The following GRM7 variants were observed in gnomAD, a reference collection of about 807,000 sequenced individuals.
GRM7 encodes metabotropic glutamate receptor 7.
GRM7 carries 35 observed loss-of-function variants against 84.5 expected under a neutral mutation model. That is an observed-to-expected ratio of 0.41 (90% CI 0.32 to 0.55). GRM7 has a LOEUF of 0.55. Among genes scored for constraint, GRM7 ranks in the 20% least tolerant of loss-of-function variants. The pLI is 0.19. For missense variants in GRM7, 1,003 were observed against 1,194.6 expected (o/e 0.84, Z 2.36); for synonymous variants, 487 against 455.1 (o/e 1.07, Z -0.89).
At chr3:7,026,614 G>A (rs187008463) in intron 1 of GRM7, among the ~76,000 whole-genome samples, 383 of 152,212 alleles carry the variant, frequency 2.5e-3, no homozygotes, top group Admixed American at 5.8e-3. Context: ...CACAAGAGAG[G>A]GGAAAAATGC....
At chr3:7,476,276 C>T (rs1172491332) in intron 7 of GRM7, among the ~76,000 whole-genome samples, 4 of 152,118 alleles carry the variant, frequency 2.6e-5, no homozygotes, top group Non-Finnish European at 5.9e-5. Context: ...GGCTGGGCGC[C>T]GTGGCTCACG....
At chr3:7,644,708 T>C (rs1263357834) in intron 8 of GRM7, among the ~76,000 whole-genome samples, 1 of 152,348 alleles carries the variant, frequency 6.6e-6, no homozygotes, top group African/African-American at 2.4e-5. Flanking sequence ...AGAAAATGTT[T>C]TAGCCTCAAT....
intron 1 of GRM7, among the ~76,000 whole-genome samples, chr3:7,062,313 G>T (rs1191626539): frequency 6.6e-6 from 1 of 151,584 alleles, no homozygotes; most frequent in Non-Finnish European, 1.5e-5. Context: ...GAACATGAAG[G>T]AGACGGTGTA....
chr3:7,329,665 A>T (rs1449927927), intron 4 of GRM7, among the ~76,000 whole-genome samples: 2 of 152,186 alleles, frequency 1.3e-5, no homozygotes, highest in South Asian at 2.1e-4. Flanking sequence ...TTCTATATGT[A>T]ACTTAAAAGT....
Position 7,397,798 on chromosome 3 carries a change from CA to C in GRM7, c.1034-17223del, listed in dbSNP as rs1056628237. On this transcript the variant is annotated intron_variant, in intron 4 of 9. Coordinates refer to ENST00000357716, the MANE Select transcript of GRM7 (RefSeq NM_000844.4). The stretch of plus-strand genomic sequence containing the variant: ...TGTATGAAGATACTTTTCATTGTCA[CA>C]ACTTGGGGGCTGGTGGTGGTACAGT... Among the ~76,000 whole-genome samples the C allele has an allele frequency of 3.9e-5, 6 of 152,004 alleles. No individual in the cohort carries two copies. The East Asian group carries it at 1.2e-3, about 29-fold the overall frequency.
rs977302091 is a variant in GRM7, at chr3:7,133,714, T to G, written c.520-12738T>G. Among the ~76,000 whole-genome samples the G allele has an allele frequency of 3.3e-5, 5 of 152,194 alleles. No homozygotes were observed. The South Asian group carries it at 1.0e-3, about 31-fold the overall frequency. The stretch of plus-strand genomic sequence containing the variant: ...AAAAGGATTAATAAAAATCTTACTC[T>G]GTTTAGTTTTTGTCTCCTAATATAT... On this transcript the variant is annotated intron_variant, in intron 1 of 9. Coordinates refer to ENST00000357716, the MANE Select transcript of GRM7 (RefSeq NM_000844.4).
chr3:7,523,444 C>T (rs767213546), intron 7 of GRM7, among the ~76,000 whole-genome samples: 5 of 152,078 alleles, frequency 3.3e-5, no homozygotes, highest in African/African-American at 9.7e-5. Flanking sequence ...TTTGCTAGGC[C>T]GGACTTTAAT....
chr3:7,142,326 G>T (rs1693972230), intron 1 of GRM7, among the ~76,000 whole-genome samples: 1 of 152,094 alleles, frequency 6.6e-6, no homozygotes, highest in African/African-American at 2.4e-5. Flanking sequence ...GCTTGAGACT[G>T]GGTAACTTAT....
At chr3:7,103,748 CCCTTTCTTTCTT>C (rs1415801494) in intron 1 of GRM7, among the ~76,000 whole-genome samples, 8 of 127,450 alleles carry the variant, frequency 6.3e-5, no homozygotes, top group Non-Finnish European at 9.5e-5. Flanking sequence ...TTCTCTCTCT[CCCTTTCTTTCTT>C]TCTTTCTTTC....
At chr3:7,399,405 C>G (rs1173875685) in intron 4 of GRM7, among the ~76,000 whole-genome samples, 2 of 152,130 alleles carry the variant, frequency 1.3e-5, no homozygotes, top group African/African-American at 4.8e-5. Flanking sequence ...GGCCTCACAG[C>G]AGAACCATGA....
intron 2 of GRM7, among the ~76,000 whole-genome samples, chr3:7,290,537 C>T (rs1003063941): frequency 1.4e-4 from 21 of 152,252 alleles, no homozygotes; most frequent in African/African-American, 4.8e-4. Context: ...GGATTCACAC[C>T]TCATTAGCAT....
At chr3:7,445,021 G>T (rs539862324) in intron 5 of GRM7, among the ~76,000 whole-genome samples, 2 of 152,110 alleles carry the variant, frequency 1.3e-5, no homozygotes, top group South Asian at 4.1e-4. Flanking sequence ...GCCTTTCTGC[G>T]TTGTTTTCTT....
intron 5 of GRM7, among the ~76,000 whole-genome samples, chr3:7,425,042 G>A (rs1395850535): frequency 6.6e-6 from 1 of 152,066 alleles, no homozygotes; most frequent in African/African-American, 2.4e-5. Flanking sequence ...ATGCCTAGTT[G>A]CCTCCCAAGA....
chr3:6,943,055 G>A (rs988112097), intron 1 of GRM7, among the ~76,000 whole-genome samples: 5 of 151,822 alleles, frequency 3.3e-5, no homozygotes, highest in African/African-American at 4.8e-5. Context: ...CCACTTTTTG[G>A]TAAGTTGGTT....
At chr3:7,399,843 A>G (rs1695373613) in intron 4 of GRM7, among the ~76,000 whole-genome samples, 2 of 152,280 alleles carry the variant, frequency 1.3e-5, no homozygotes, top group South Asian at 4.1e-4. Flanking sequence ...AGCCATCACC[A>G]GAAGCAAATG....
intron 2 of GRM7, among the ~76,000 whole-genome samples, chr3:7,198,681 A>G (rs552501402): frequency 6.6e-6 from 1 of 152,346 alleles, no homozygotes; most frequent in East Asian, 1.9e-4. Flanking sequence ...AAGGTGTTGA[A>G]TAGCTTATAA....
At chr3:7,723,762 G>T (rs1367536536) in intron 9 of GRM7, among the ~76,000 whole-genome samples, 1 of 152,086 alleles carries the variant, frequency 6.6e-6, no homozygotes, top group Admixed American at 6.6e-5. Context: ...TGGTGGAATG[G>T]CTAGAACCCA....
At chr3:7,735,399 G>GGTGCTTTTGAGGAACTGA (rs149621506) in intron 9 of GRM7, among the ~76,000 whole-genome samples, 1 of 151,706 alleles carries the variant, frequency 6.6e-6, no homozygotes, top group African/African-American at 2.4e-5. Flanking sequence ...AGCAGGAGAG[G>GGTGCTTTTGAGGAACTGA]GTGCAGACAG....
intron 1 of GRM7, among the ~76,000 whole-genome samples, chr3:7,007,626 T>C (rs1695227769): frequency 6.6e-6 from 1 of 152,214 alleles, no homozygotes; most frequent in Non-Finnish European, 1.5e-5. Context: ...TGCCAACTCC[T>C]GTCTGAGTTT....
Sources: allele counts gnomAD v4.1 joint callset (sites outside exome capture counted in the v4.1 genomes callset), GRCh38; gene constraint gnomAD v4.1.1; transcripts MANE v1.5; gene names NCBI Gene and HGNC (gene_info 2026-07-23, HGNC 2026-07-21).